The following UNC13A variants were observed in gnomAD, a reference collection of about 807,000 sequenced individuals.
The protein encoded by UNC13A is protein unc-13 homolog A.
A neutral mutation model predicts 219.7 loss-of-function variants in UNC13A; 61 were observed. That is an observed-to-expected ratio of 0.28 (90% CI 0.23 to 0.34). UNC13A has a LOEUF of 0.34. Among genes scored for constraint, UNC13A ranks in the 10% least tolerant of loss-of-function variants. The pLI is 1.00. For synonymous variants in UNC13A, 920 were observed against 884.6 expected, an observed-to-expected ratio of 1.04 and a Z score of -0.71; for missense variants, 1,476 against 2,270.3, an observed-to-expected ratio of 0.65 and a Z score of 7.11.
Position 17,672,569 on chromosome 19 carries a change from G to A in UNC13A, c.153-74C>T, listed in dbSNP as rs759348246. 1.4e-4 allele frequency: 169 copies of A among 1,168,296 alleles called. No individual in the cohort carries two copies. In the Admixed American group the frequency reaches 1.8e-3, roughly 12 times the overall value. 72.4% of individuals were successfully genotyped at this position (1,168,296 alleles called of 1,614,324 possible). On this transcript the variant is annotated intron_variant, in intron 3 of 43. Coordinates refer to ENST00000519716, the MANE Select transcript of UNC13A (RefSeq NM_001080421.3). ...GGGGCCCAGGGAGTTTAGTTGATTCGCCTGAGAACACACAGCATACTGCAA... is the reference window on the plus strand; with the variant it reads ...GGGGCCCAGGGAGTTTAGTTGATTCACCTGAGAACACACAGCATACTGCAA...
At chr19:17,668,549 C>T (rs1476091642) in intron 5 of UNC13A, among the ~76,000 whole-genome samples, 1 of 152,060 alleles carries the variant, frequency 6.6e-6, no homozygotes, top group Admixed American at 6.6e-5. Context: ...TGAAGTGGTA[C>T]AATCTCAGTT....
rs56041637 is a variant in UNC13A at position 17,642,032 on chromosome 19, A to ACATCCATCCATCCATCCATC, written c.2473-496_2473-477dup. Among the ~76,000 whole-genome samples, 442 of 150,394 alleles carry ACATCCATCCATCCATCCATC rather than the reference A, an allele frequency of 2.9e-3. 3 individuals carry two copies. Among genetic ancestry groups the ACATCCATCCATCCATCCATC allele is most frequent in the African/African-American group, 3.6e-3 (148 of 40,764 alleles). ...TTCATCCATTTGTCCATCTGCCTAT[A>ACATCCATCCATCCATCCATC]CATCCATCCATCCATCCATCCATCT... is the stretch of plus-strand genomic sequence containing the variant. On this transcript the variant is annotated intron_variant, in intron 20 of 43. Transcript: ENST00000519716.
chr19:17,621,710 G>A (rs1471491302), intron 37 of UNC13A, 122 bp downstream of exon 37: 3 of 944,258 alleles, frequency 3.2e-6, no homozygotes, highest in East Asian at 4.8e-5. Flanking sequence ...TTGGTTAGGA[G>A]AGCTATCTCC....
chr19:17,636,267 T>C (rs2076912618), intron 25 of UNC13A, 110 bp from the exon 26 acceptor site: 2 of 1,318,524 alleles, frequency 1.5e-6, no homozygotes, highest in South Asian at 3.4e-5. Flanking sequence ...CATCATCATG[T>C]GTATGGTTCA....
At chr19:17,615,565 G>C (rs2076653803) in intron 41 of UNC13A, among the ~76,000 whole-genome samples, 1 of 152,110 alleles carries the variant, frequency 6.6e-6, no homozygotes, top group Non-Finnish European at 1.5e-5. Flanking sequence ...TGTAATCCCA[G>C]CTACTCAGGA....
chr19:17,657,325 C>T (rs1274551696), intron 9 of UNC13A, among the ~76,000 whole-genome samples: 1 of 152,184 alleles, frequency 6.6e-6, no homozygotes, highest in African/African-American at 2.4e-5. Context: ...GTGGTCTCTT[C>T]CTTGTCTGCT....
intron 9 of UNC13A, among the ~76,000 whole-genome samples, chr19:17,656,961 C>A (rs73528012): frequency 0.018 from 2,779 of 152,118 alleles, 75 homozygotes; most frequent in African/African-American, 0.063. Context: ...ATCACCACAG[C>A]CCCGCAGCAG....
chr19:17,620,549 A>G, intron 38 of UNC13A, 144 bp downstream of exon 38: 2 of 449,242 alleles, frequency 4.5e-6, no homozygotes, highest in Non-Finnish European at 8.7e-6. Flanking sequence ...CGAGCAAGCC[A>G]GACAGACAAA....
chr19:17,652,975 C>T (rs1471823335), intron 11 of UNC13A, among the ~76,000 whole-genome samples: 1 of 152,168 alleles, frequency 6.6e-6, no homozygotes, highest in Non-Finnish European at 1.5e-5. Context: ...TCTCTTGCCT[C>T]GGGCTCTTTC....
Position 17,636,164 on chromosome 19 carries a change from T to C in UNC13A, c.3082-7A>G. ...GAACTTCCCCCTTCTTGGCCTGAAA[T>C]GGACAGTGGAGACCTCGGTTATAGG... is the stretch of plus-strand genomic sequence containing the variant. On this transcript the variant is annotated splice_polypyrimidine_tract_variant and splice_region_variant and intron_variant, in intron 25 of 43. Transcript: ENST00000519716. 6.3e-7 allele frequency: 1 copy of C among 1,590,350 alleles called. No individual in the cohort carries two copies. Among genetic ancestry groups the C allele is most frequent in the Non-Finnish European group, 8.6e-7 (1 of 1,167,332 alleles).
intron 31 of UNC13A, among the ~76,000 whole-genome samples, chr19:17,628,793 T>C (rs1371182907): frequency 6.6e-6 from 1 of 150,770 alleles, no homozygotes; most frequent in East Asian, 2.0e-4. Flanking sequence ...CGAAACACAA[T>C]CACACAGATA....
intron 43 of UNC13A, among the ~76,000 whole-genome samples, chr19:17,609,451 G>A (rs2076578355): frequency 6.6e-6 from 1 of 151,566 alleles, no homozygotes; most frequent in African/African-American, 2.4e-5. Context: ...CCCCAGAGCC[G>A]ACTCCTCCAG....
Position 17,656,180 on chromosome 19 carries a change from T to C in UNC13A, c.986A>G (p.Glu329Gly). 6.4e-7 allele frequency: 1 copy of C among 1,552,230 alleles called. No homozygotes were observed. Among genetic ancestry groups the C allele is most frequent in the Middle Eastern group, 1.7e-4 (1 of 5,996 alleles). The change falls in exon 10 of 44, where the codon GAG becomes GGG. Residue 329 changes from glutamate to glycine, a missense_variant. Glu to Gly is a moderately conservative substitution (Grantham distance 98). Around this residue, in one of 14 missense-constraint regions of UNC13A, gnomAD observed 351 missense variants for 342.6 expected, o/e 1.02. Coordinates refer to ENST00000519716, the MANE Select transcript of UNC13A (RefSeq NM_001080421.3). The stretch of plus-strand genomic sequence containing the variant: ...CAGCTCCTCCTCCTCCAGGAAGTCC[T>C]CCAGGTCCTCCTCCAGCTCTTCCTC... ...QDEEELEEDL[E>G]DFLEEEELPE... is the part of the protein sequence containing the mutation.
intron 28 of UNC13A, 60 bp from the exon 29 acceptor site, chr19:17,630,810 G>T: frequency 1.3e-6 from 2 of 1,501,124 alleles, no homozygotes; most frequent in Non-Finnish European, 9.2e-7. Flanking sequence ...CCTCTGCGCC[G>T]CCTGGTTCTG....
rs1370364123 is a variant in UNC13A, at chr19:17,651,020, C to T, written c.1440-1433G>A. Among the ~76,000 whole-genome samples the T allele has an allele frequency of 9.9e-5, 15 of 151,470 alleles. No individual in the cohort carries two copies. The East Asian group carries it at 2.7e-3, about 28-fold the overall frequency. ...TGGTATGATCTTGGCTCACTGCAAC[C>T]TCTGCCTCCTGGGTTCAAGCAATTC... is the stretch of plus-strand genomic sequence containing the variant. On this transcript the variant is annotated intron_variant, in intron 12 of 43. Transcript: ENST00000519716.
At chr19:17,663,225 G>A (rs1316711156) in intron 8 of UNC13A, among the ~76,000 whole-genome samples, 1 of 151,986 alleles carries the variant, frequency 6.6e-6, no homozygotes, top group African/African-American at 2.4e-5. Flanking sequence ...AGTGGGGTGC[G>A]GGGGTCACAG....
At chr19:17,613,999 C>T (rs538960199) in intron 41 of UNC13A, 96 of 147,330 alleles carry the variant, frequency 6.5e-4, no homozygotes, top group Admixed American at 1.4e-3. Flanking sequence ...CATGAGCCAC[C>T]GCACCTGGCC....
Position 17,630,240 on chromosome 19 carries a change from C to T in UNC13A, c.3574G>A (p.Val1192Ile), listed in dbSNP as rs1386189598. 1.9e-6 allele frequency: 3 copies of T among 1,558,240 alleles called. No individual in the cohort carries two copies. Among genetic ancestry groups the T allele is most frequent in the East Asian group, 2.4e-5 (1 of 41,528 alleles). ...HALFSCSVVD[V>I]FSQLNQSFEI... Reference sequence around the variant, plus strand: ...AAGCTCTGGTTGAGTTGGGAGAAAACATCCACCACGGAGCAGGAGAATAGG... The same window carrying T: ...AAGCTCTGGTTGAGTTGGGAGAAAATATCCACCACGGAGCAGGAGAATAGG... The change falls in exon 30 of 44, where the codon GTT (valine) becomes ATT (isoleucine). Residue 1192 changes from valine (V) to isoleucine (I), a missense_variant. By Grantham distance (29) the Val-to-Ile change is conservative. This residue lies in a region of UNC13A where 218 missense variants were observed against 409.4 expected (regional missense o/e 0.53). Coordinates refer to ENST00000519716, the MANE Select transcript of UNC13A (RefSeq NM_001080421.3).
chr19:17,667,663 C>T lies in UNC13A; in HGVS notation c.468+454G>A, dbSNP rs528616789. On this transcript the variant is annotated intron_variant, in intron 6 of 43. Transcript: ENST00000519716. ...TAATTTTTTGTACTTTTAGTAGAGA[C>T]GGGGTTTCACCGTGTTGGCCAGGCT... Among the ~76,000 whole-genome samples, 42 of 151,830 alleles carry T rather than the reference C, an allele frequency of 2.8e-4. 1 individual carries two copies. The South Asian group carries it at 5.8e-3, about 21-fold the overall frequency.
Sources: allele counts gnomAD v4.1 joint callset (sites outside exome capture counted in the v4.1 genomes callset), GRCh38; gene constraint gnomAD v4.1.1; regional missense constraint gnomAD v4.1.1; transcripts MANE v1.5; gene names NCBI Gene and HGNC (gene_info 2026-07-23, HGNC 2026-07-21).